The following RPN2 variants were observed in gnomAD, a reference collection of about 807,000 sequenced individuals.
RPN2 encodes the protein ribophorin II.
RPN2 carries 29 observed loss-of-function variants against 71.4 expected under a neutral mutation model. The observed-to-expected ratio is 0.41, with a 90% CI of 0.30 to 0.55. The LOEUF (loss-of-function observed/expected upper bound fraction) is 0.55, where lower values mean the gene tolerates loss of function less well. Among genes scored for constraint, RPN2 ranks in the 20% least tolerant of loss-of-function variants. The probability of loss-of-function intolerance (pLI) is 0.35; values close to 1 mark genes in which losing one functional copy is unlikely to be tolerated. For synonymous variants in RPN2, 308 were observed against 305.0 expected (o/e 1.01, Z -0.10); for missense variants, 726 against 774.1 (o/e 0.94, Z 0.74).
chr20:37,219,940 C>T (rs2067909935), intron 9 of RPN2, among the ~76,000 whole-genome samples: 1 of 152,232 alleles, frequency 6.6e-6, no homozygotes, highest in Non-Finnish European at 1.5e-5. Context: ...CAGTGCCACG[C>T]TGTCTTGATT....
At chr20:37,185,767 A>G (rs929096827) in intron 2 of RPN2, among the ~76,000 whole-genome samples, 1 of 152,190 alleles carries the variant, frequency 6.6e-6, no homozygotes, top group African/African-American at 2.4e-5. Context: ...ACCTGGGACT[A>G]TGGGTGCATC....
intron 9 of RPN2, among the ~76,000 whole-genome samples, chr20:37,219,927 T>C (rs541927947): frequency 1.2e-4 from 19 of 152,366 alleles, no homozygotes; most frequent in Admixed American, 1.2e-3. Context: ...ATTGTCCTTA[T>C]GCCAGTGCCA....
rs1217797001 is a variant in RPN2 at position 37,228,531 on chromosome 20, GTAT to G, written c.1300-14_1300-12del. 8.7e-6 allele frequency: 14 copies of G among 1,603,640 alleles called. No individual in the cohort carries two copies. The highest frequency in any genetic ancestry group is 1.2e-5 in the Non-Finnish European group (14 of 1,170,450). ...TCTTGAAATTATCAGATGAAAGATT[GTAT>G]TATTCTTCCATCTAGACATTTGTCC... On this transcript the variant is annotated splice_polypyrimidine_tract_variant and intron_variant, in intron 11 of 16. Transcript: ENST00000237530.
At chr20:37,213,670 A>G in intron 8 of RPN2, 90 bp from the exon 9 acceptor site, 1 of 970,766 alleles carries the variant, frequency 1.0e-6, no homozygotes, top group Non-Finnish European at 1.7e-6. Flanking sequence ...AGCCTTGGAC[A>G]GTCTCCAGGA....
chr20:37,240,019 A>G (rs1257390344), intron 16 of RPN2, among the ~76,000 whole-genome samples: 2 of 152,130 alleles, frequency 1.3e-5, no homozygotes, highest in Admixed American at 6.5e-5. Flanking sequence ...TTGGCCCCTA[A>G]AAGTGCTGGG....
chr20:37,230,691 A>G lies in RPN2; in HGVS notation c.1581+632A>G, dbSNP rs375889155. Among the ~76,000 whole-genome samples, 7 of 152,296 alleles carry G rather than the reference A, an allele frequency of 4.6e-5. No homozygotes were observed. In the South Asian group the frequency reaches 8.3e-4, roughly 18 times the overall value. On this transcript the variant is annotated intron_variant, in intron 13 of 16. Transcript: ENST00000237530. ...GATCGTACTTGGAAACTTGCATACG[A>G]ATTAATGTTGAAGTGTCAAAAACAG...
chr20:37,197,188 A>AGG (rs2146556166), intron 2 of RPN2, among the ~76,000 whole-genome samples: 1 of 152,158 alleles, frequency 6.6e-6, no homozygotes, highest in Non-Finnish European at 1.5e-5. Context: ...ATGGAGAGGG[A>AGG]GGGTCAGTCT....
intron 2 of RPN2, among the ~76,000 whole-genome samples, chr20:37,185,343 C>T (rs1045695542): frequency 2.6e-5 from 4 of 151,970 alleles, no homozygotes; most frequent in African/African-American, 9.7e-5. Context: ...TGCCATGTTG[C>T]CCAGGCTGGT....
intron 1 of RPN2, 181 bp downstream of exon 1, chr20:37,179,550 C>T (rs2066789060): frequency 7.2e-7 from 1 of 1,380,004 alleles, no homozygotes; most frequent in South Asian, 1.7e-5. Context: ...GGTGGGAGTG[C>T]CCGCGACCTG....
At chr20:37,229,878 G>T in intron 12 of RPN2, 95 bp from the exon 13 acceptor site, 3 of 972,104 alleles carry the variant, frequency 3.1e-6, no homozygotes, top group Non-Finnish European at 5.0e-6. Flanking sequence ...GCTTTTTTCA[G>T]TTATGGTCTT....
intron 1 of RPN2, 194 bp downstream of exon 1, chr20:37,179,563 G>C (rs1175327546): frequency 2.9e-6 from 4 of 1,365,422 alleles, no homozygotes; most frequent in African/African-American, 3.0e-5. Context: ...GCGACCTGGC[G>C]GGGTTGGTGC....
At chr20:37,198,582 A>G in intron 3 of RPN2, 90 bp downstream of exon 3, 2 of 1,586,798 alleles carry the variant, frequency 1.3e-6, no homozygotes, top group Non-Finnish European at 1.7e-6. Context: ...CCTTTTTTTA[A>G]TTATGAGAGT....
rs149154203 is a variant in RPN2, at chr20:37,182,971, T to C, written c.14-1209T>C. Among the ~76,000 whole-genome samples, 334 of 152,322 alleles carry C rather than the reference T, an allele frequency of 2.2e-3. 1 individual carries two copies. Among genetic ancestry groups the C allele is most frequent in the African/African-American group, 7.8e-3 (324 of 41,570 alleles). ...TTTTCATTTATTCAGCAAATATTTA[T>C]TCAGTAACTATGTGCCAGGCAGTGT... On this transcript the variant is annotated intron_variant, in intron 1 of 16. Coordinates refer to ENST00000237530, the MANE Select transcript of RPN2 (RefSeq NM_002951.5).
In RPN2 at chr20:37,198,414, C is replaced by T; in HGVS notation, c.225C>T (p.Ile75=). 2 of 1,614,220 alleles carry T rather than the reference C, an allele frequency of 1.2e-6. No homozygotes were observed. The highest frequency in any genetic ancestry group is 1.7e-6 in the Non-Finnish European group (2 of 1,180,036). Residue 75 remains isoleucine, a synonymous_variant, in exon 3 of 17, where the codon ATC becomes ATT. Coordinates refer to ENST00000237530, the MANE Select transcript of RPN2 (RefSeq NM_002951.5). ...CTGTGTAGAAAGCATGTACCTACAT[C>T]AGATCTAACCTTGATCCCAGCAATG... ...VPDAKKACTY[I]RSNLDPSNVD...
chr20:37,217,966 C>T (rs6017541), intron 9 of RPN2, among the ~76,000 whole-genome samples: 4,972 of 151,494 alleles, frequency 0.033, 106 homozygotes, highest in African/African-American at 0.045. Context: ...AAACTCCTGA[C>T]CCTCAGGTGA....
intron 2 of RPN2, among the ~76,000 whole-genome samples, chr20:37,196,023 T>A (rs1392756558): frequency 6.6e-6 from 1 of 151,924 alleles, no homozygotes; most frequent in African/African-American, 2.4e-5. Flanking sequence ...GTGCTGCCCT[T>A]GCCCTCCACC....
At chr20:37,203,298 A>G (rs1382221986) in intron 4 of RPN2, among the ~76,000 whole-genome samples, 3 of 151,662 alleles carry the variant, frequency 2.0e-5, no homozygotes, top group Non-Finnish European at 4.4e-5. Flanking sequence ...TTGTGAATGT[A>G]GTAAGCACCC....
chr20:37,203,832 A>G, intron 4 of RPN2, 53 bp from the exon 5 acceptor site: 1 of 1,208,938 alleles, frequency 8.3e-7, no homozygotes, highest in Non-Finnish European at 1.2e-6. Context: ...GGAAGGGGTG[A>G]GTGGATGAAA....
At chr20:37,228,828 T>C (rs2068156090) in intron 12 of RPN2, 84 bp downstream of exon 12, 1 of 1,311,252 alleles carries the variant, frequency 7.6e-7, no homozygotes, top group Admixed American at 1.7e-5. Flanking sequence ...CATGGGGCTC[T>C]TCACCTTCGC....
Sources: gnomAD v4.1 joint callset for allele counts (sites outside exome capture counted in the v4.1 genomes callset) on GRCh38, gnomAD v4.1.1 for gene constraint, MANE v1.5 for transcripts, NCBI Gene and HGNC (gene_info 2026-07-23, HGNC 2026-07-21) for gene names.